The following SORCS3 variants were observed in gnomAD, a reference collection of about 807,000 sequenced individuals.
The protein encoded by SORCS3 is sortilin related VPS10 domain containing receptor 3, also known as VPS10 domain-containing receptor SorCS3.
In SORCS3, 57 loss-of-function variants were observed where a neutral mutation model predicts 146.3. The ratio of observed to expected loss-of-function variants is 0.39; its 90% confidence interval spans 0.31 to 0.49. The LOEUF (loss-of-function observed/expected upper bound fraction) is 0.49, where lower values mean the gene tolerates loss of function less well. SORCS3 is among the 20% of genes least tolerant of loss of function. SORCS3 has a pLI of 0.92. For missense variants in SORCS3, 1,341 were observed against 1,575.5 expected (o/e 0.85, Z 2.52); for synonymous variants, 653 against 618.5 (o/e 1.06, Z -0.83).
At chr10:104,997,118 A>T (rs1040624630) in intron 4 of SORCS3, among the ~76,000 whole-genome samples, 1 of 152,162 alleles carries the variant, frequency 6.6e-6, no homozygotes, top group Non-Finnish European at 1.5e-5. Context: ...TGTGATGGAG[A>T]ATAATAGGAA....
chr10:105,220,540 G>T (rs956392668), intron 19 of SORCS3, among the ~76,000 whole-genome samples: 1 of 152,196 alleles, frequency 6.6e-6, no homozygotes, highest in Non-Finnish European at 1.5e-5. Flanking sequence ...CCCATGAGGT[G>T]TGTTGGGGAA....
chr10:104,990,449 T>C (rs2054986568), intron 4 of SORCS3, among the ~76,000 whole-genome samples: 3 of 152,168 alleles, frequency 2.0e-5, no homozygotes, highest in South Asian at 4.1e-4. Context: ...TAACCAGTTG[T>C]GCCAAATATT....
intron 5 of SORCS3, among the ~76,000 whole-genome samples, chr10:105,085,025 C>T (rs987149756): frequency 3.3e-5 from 5 of 152,156 alleles, no homozygotes; most frequent in Non-Finnish European, 7.4e-5. Flanking sequence ...CCACCGCGCC[C>T]GGCCAAGGCA....
chr10:105,208,933 C>T (rs1420546233), intron 16 of SORCS3, among the ~76,000 whole-genome samples: 1 of 152,102 alleles, frequency 6.6e-6, no homozygotes, highest in Non-Finnish European at 1.5e-5. Context: ...CTCCTTCCTT[C>T]CTTCCAGCTT....
At chr10:105,053,573 C>G (rs973382479) in intron 5 of SORCS3, among the ~76,000 whole-genome samples, 1 of 151,764 alleles carries the variant, frequency 6.6e-6, no homozygotes, top group Non-Finnish European at 1.5e-5. Flanking sequence ...TCTTCATAGC[C>G]TTTTTTCCCT....
chr10:104,650,562 C>G (rs1418060701), intron 1 of SORCS3, among the ~76,000 whole-genome samples: 1 of 152,236 alleles, frequency 6.6e-6, no homozygotes, highest in Non-Finnish European at 1.5e-5. Context: ...TAACACTCTA[C>G]AAATAGATTC....
chr10:104,810,858 C>A (rs2017732590), intron 1 of SORCS3, among the ~76,000 whole-genome samples: 1 of 152,150 alleles, frequency 6.6e-6, no homozygotes, highest in Non-Finnish European at 1.5e-5. Flanking sequence ...TTCACTTATT[C>A]ATTTATTCAG....
At chr10:104,995,780 A>G (rs550940361) in intron 4 of SORCS3, among the ~76,000 whole-genome samples, 192 of 152,264 alleles carry the variant, frequency 1.3e-3, no homozygotes, top group African/African-American at 3.8e-3. Flanking sequence ...CAATTTATCA[A>G]TTTTTTGGAT....
chr10:105,238,983 AACT>A (rs1262881964), intron 20 of SORCS3, among the ~76,000 whole-genome samples: 1 of 152,164 alleles, frequency 6.6e-6, no homozygotes, highest in Admixed American at 6.5e-5. Flanking sequence ...TTTAGCTTTA[AACT>A]ACTAGTTTAC....
chr10:104,820,951 GAACACAAATGGGTTGA>G (rs2017865661), intron 1 of SORCS3, among the ~76,000 whole-genome samples: 1 of 152,128 alleles, frequency 6.6e-6, no homozygotes, highest in African/African-American at 2.4e-5. Flanking sequence ...AGCACAACAG[GAACACAAATGGGTTGA>G]AACAGAAGAA....
intron 1 of SORCS3, among the ~76,000 whole-genome samples, chr10:104,672,767 A>G (rs913162979): frequency 9.9e-5 from 15 of 152,204 alleles, no homozygotes; most frequent in African/African-American, 3.4e-4. Context: ...AATGTTCTGT[A>G]TATGTTTATA....
chr10:104,745,168 T>TAAAA (rs2016892952), intron 1 of SORCS3, among the ~76,000 whole-genome samples: 1 of 152,124 alleles, frequency 6.6e-6, no homozygotes, highest in Non-Finnish European at 1.5e-5. Context: ...TGAAGGGGGT[T>TAAAA]TCCTACTCAA....
intron 4 of SORCS3, among the ~76,000 whole-genome samples, chr10:104,999,610 T>G (rs535746874): frequency 6.6e-6 from 1 of 152,104 alleles, no homozygotes; most frequent in African/African-American, 2.4e-5. Context: ...CTTATGGAGG[T>G]TGAGCATCTC....
At position 104,654,965 on chromosome 10, in the gene SORCS3, G is replaced by A. The variant is rs558250796; in HGVS notation, c.627+13011G>A. On this transcript the variant is annotated intron_variant, in intron 1 of 26. Transcript: ENST00000369701. ...ATGTAAAACTCAACCAAAAGAAGTA[G>A]TTTTAGGCAGGTTGCATTGGCTCAT... is the stretch of plus-strand genomic sequence containing the variant. Among the ~76,000 whole-genome samples, 4 of 152,294 alleles carry A rather than the reference G, an allele frequency of 2.6e-5. 1 individual carries two copies. The South Asian group carries it at 8.3e-4, about 32-fold the overall frequency.
chr10:105,214,429 C>A lies in SORCS3; in HGVS notation c.2376-13C>A. ...ATCAACACAAACCACTATCAATTGTCAATTCTACTTAGGTATCGGCGGATT... is the reference window on the plus strand; with the variant it reads ...ATCAACACAAACCACTATCAATTGTAAATTCTACTTAGGTATCGGCGGATT... On this transcript the variant is annotated splice_polypyrimidine_tract_variant and intron_variant, in intron 17 of 26. Coordinates refer to ENST00000369701, the MANE Select transcript of SORCS3 (RefSeq NM_014978.3). The A allele has an allele frequency of 6.2e-7, 1 of 1,613,804 alleles. No homozygotes were observed. The highest frequency in any genetic ancestry group is 1.1e-5 in the South Asian group (1 of 91,014).
chr10:105,207,270 G>GATTTATTATTATTATTA (rs2056607682), intron 16 of SORCS3, among the ~76,000 whole-genome samples: 1 of 82,568 alleles, frequency 1.2e-5, no homozygotes, highest in Non-Finnish European at 2.4e-5. Context: ...GGCATGCAGA[G>GATTTATTATTATTATTA]GTTTATTATT....
intron 19 of SORCS3, among the ~76,000 whole-genome samples, chr10:105,222,461 C>G (rs560481490): frequency 2.0e-5 from 3 of 152,180 alleles, no homozygotes; most frequent in Admixed American, 6.5e-5. Context: ...CTTCTACTTG[C>G]TAGTTTAGAA....
chr10:104,767,892 G>C (rs2017200289), intron 1 of SORCS3, among the ~76,000 whole-genome samples: 1 of 149,104 alleles, frequency 6.7e-6, no homozygotes, highest in Non-Finnish European at 1.5e-5. Context: ...CTTGCTGGTA[G>C]TATAAAACAT....
chr10:104,801,096 G>A (rs1453099746), intron 1 of SORCS3, among the ~76,000 whole-genome samples: 1 of 152,170 alleles, frequency 6.6e-6, no homozygotes, highest in Non-Finnish European at 1.5e-5. Context: ...ATTGTAAATG[G>A]TAAGGGGCAC....
Sources: gnomAD v4.1 joint callset for allele counts (sites outside exome capture counted in the v4.1 genomes callset) on GRCh38, gnomAD v4.1.1 for gene constraint, MANE v1.5 for transcripts, NCBI Gene and HGNC (gene_info 2026-07-23, HGNC 2026-07-21) for gene names.